LARP1: variants seen among roughly 807,000 people sequenced by gnomAD.
The protein encoded by LARP1 is La ribonucleoprotein 1, translational regulator.
In LARP1, 36 loss-of-function variants were observed where a neutral mutation model predicts 122.7. That is an observed-to-expected ratio of 0.29 (90% CI 0.22 to 0.39). The LOEUF (loss-of-function observed/expected upper bound fraction) is 0.39, where lower values mean the gene tolerates loss of function less well. LARP1 is among the 10% of genes least tolerant of loss of function. The pLI is 1.00. For synonymous variants in LARP1, 539 were observed against 528.7 expected, an observed-to-expected ratio of 1.02 and a Z score of -0.27; for missense variants, 1,040 against 1,403.6, an observed-to-expected ratio of 0.74 and a Z score of 4.14.
chr5:154,762,764 T>TCTAGTTTG (rs1754565452), intron 1 of LARP1, among the ~76,000 whole-genome samples: 2 of 152,190 alleles, frequency 1.3e-5, no homozygotes, highest in Admixed American at 1.3e-4. Context: ...GGTAACCACC[T>TCTAGTTTG]TACTCTCAAG....
intron 1 of LARP1, among the ~76,000 whole-genome samples, chr5:154,763,292 C>G (rs1472239505): frequency 1.3e-5 from 2 of 151,940 alleles, no homozygotes; most frequent in African/African-American, 4.8e-5. Flanking sequence ...GAACTCCTGA[C>G]CTCAGGTGAT....
At chr5:154,794,407 A>C in intron 7 of LARP1, 145 bp downstream of exon 7, 2 of 718,380 alleles carry the variant, frequency 2.8e-6, no homozygotes, top group South Asian at 4.2e-5. Flanking sequence ...TTGTTTATTA[A>C]AGAAGTGATA....
intron 1 of LARP1, among the ~76,000 whole-genome samples, chr5:154,715,539 G>T (rs1278651422): frequency 1.3e-5 from 2 of 151,992 alleles, no homozygotes; most frequent in African/African-American, 4.8e-5. Context: ...CACCGTGCCC[G>T]ACCAAGCCTG....
chr5:154,743,567 C>T (rs1378595951), intron 1 of LARP1, among the ~76,000 whole-genome samples: 2 of 151,364 alleles, frequency 1.3e-5, no homozygotes, highest in African/African-American at 2.4e-5. Context: ...CCTTGGCCTC[C>T]CAAAGTGCTG....
chr5:154,755,143 C>G (rs1293676477), upstream of LARP1, among the ~76,000 whole-genome samples: 1 of 151,694 alleles, frequency 6.6e-6, no homozygotes, highest in Non-Finnish European at 1.5e-5. Context: ...TACCCCCAGC[C>G]CGGGAGGTGC....
At position 154,803,575 on chromosome 5, in the gene LARP1, G is replaced by A. The variant is rs762423585; in HGVS notation, c.2269G>A (p.Ala757Thr). 22 of 1,614,122 alleles carry A rather than the reference G, an allele frequency of 1.4e-5. No individual in the cohort carries two copies. The highest frequency in any genetic ancestry group is 1.9e-5 in the Non-Finnish European group (22 of 1,180,016). The change falls in exon 13 of 19, where the codon GCT becomes ACT. Residue 757 changes from alanine (A) to threonine (T), a missense_variant. Ala to Thr is a moderately conservative substitution (Grantham distance 58). This residue lies in a region of LARP1 where 362 missense variants were observed against 533.1 expected (regional missense o/e 0.68). Transcript: ENST00000518297. This position sits in a 1 kb window ranked among gnomAD's most constrained non-coding sequence, Gnocchi z 4.4. The part of the protein sequence containing the change: ...TDALANKLFG[A>T]PEPSTIARSL... ...TGCCCTGGCCAACAAGTTGTTTGGT[G>A]CTCCTGAGCCCTCCACCATCGCCCG...
intron 1 of LARP1, among the ~76,000 whole-genome samples, chr5:154,735,801 C>T (rs1452293789): frequency 6.6e-6 from 1 of 151,336 alleles, no homozygotes; most frequent in Non-Finnish European, 1.5e-5. Flanking sequence ...AAACTCCTGA[C>T]CTCAGGTGAT....
At position 154,749,628 on chromosome 5, in the gene LARP1, C is replaced by T. The variant is rs1753384083; in HGVS notation, c.205+36498C>T. Reference sequence around the variant, plus strand: ...ATTACGTGACATGTGCCAGAAGGCCCAAGAGTCTTCAGGGTCTTGAAAAAC... The same window carrying T: ...ATTACGTGACATGTGCCAGAAGGCCTAAGAGTCTTCAGGGTCTTGAAAAAC... On this transcript the variant is annotated intron_variant, in intron 1 of 18. Transcript: ENST00000336314. 2.6e-5 allele frequency among the ~76,000 whole-genome samples: 4 copies of T among 152,096 alleles called. No individual in the cohort carries two copies. In the South Asian group the frequency reaches 8.3e-4, roughly 32 times the overall value.
At chr5:154,787,668 C>T (rs1306186935) in intron 1 of LARP1, among the ~76,000 whole-genome samples, 1 of 152,022 alleles carries the variant, frequency 6.6e-6, no homozygotes, top group Non-Finnish European at 1.5e-5. Flanking sequence ...GTTTTTTTCT[C>T]CTTGTCAGGG....
In LARP1 at chr5:154,803,653, C is replaced by T. The variant is rs569519893; in HGVS notation, c.2347C>T (p.Pro783Ser). 2 of 1,614,188 alleles carry T rather than the reference C, an allele frequency of 1.2e-6. No homozygotes were observed. The highest frequency in any genetic ancestry group is 8.5e-7 in the Non-Finnish European group (1 of 1,180,042). ...ACCAAACTACCGCAACACCAGGACC[C>T]CTCGCACTCCCCGGACACCACAGCT... is the stretch of plus-strand genomic sequence containing the variant. ...ESPNYRNTRTPRTPRTPQLKD... is the reference protein window; with the variant it reads ...ESPNYRNTRTSRTPRTPQLKD... Residue 783 changes from proline to serine, a missense_variant, in exon 13 of 19, where the codon CCT becomes TCT. Physicochemically the swap from Pro to Ser is moderately conservative, Grantham distance 74. This residue lies in a region of LARP1 where 362 missense variants were observed against 533.1 expected (regional missense o/e 0.68). Coordinates refer to ENST00000518297, the MANE Select transcript of LARP1 (RefSeq NM_033551.3). This position sits in a 1 kb window ranked among gnomAD's most constrained non-coding sequence, Gnocchi z 4.4.
chr5:154,797,233 T>G (rs1160594252), intron 8 of LARP1, among the ~76,000 whole-genome samples: 3 of 130,262 alleles, frequency 2.3e-5, no homozygotes, highest in African/African-American at 3.0e-5. Flanking sequence ...TTTTTTTTTT[T>G]TTTTTTTTTT....
chr5:154,745,920 C>A (rs575267209), intron 1 of LARP1, among the ~76,000 whole-genome samples: 1 of 152,070 alleles, frequency 6.6e-6, no homozygotes, highest in African/African-American at 2.4e-5. Flanking sequence ...CTTAGCCTTC[C>A]GAGTACCTGG....
chr5:154,791,336 C>T (rs1460729430), intron 3 of LARP1, among the ~76,000 whole-genome samples: 3 of 152,040 alleles, frequency 2.0e-5, no homozygotes, highest in African/African-American at 4.8e-5. Flanking sequence ...GCCTCAGCCT[C>T]CTGAGTAGCT....
chr5:154,746,081 A>T (rs1753182924), intron 1 of LARP1, among the ~76,000 whole-genome samples: 1 of 152,198 alleles, frequency 6.6e-6, no homozygotes, highest in Non-Finnish European at 1.5e-5. Flanking sequence ...TACAGGCGTG[A>T]GCCACCGCAC....
At chr5:154,739,567 T>C (rs999326221) in intron 1 of LARP1, among the ~76,000 whole-genome samples, 1 of 152,126 alleles carries the variant, frequency 6.6e-6, no homozygotes, top group Non-Finnish European at 1.5e-5. Context: ...ATGAAGACAT[T>C]AAATTTTTTT....
At chr5:154,754,860 G>T (rs560772279), upstream of LARP1, among the ~76,000 whole-genome samples, 197 of 152,258 alleles carry the variant, frequency 1.3e-3, 2 homozygotes, top group Non-Finnish European at 3.1e-4. Context: ...CCTCGGGGCG[G>T]ATGAGGGTCC....
chr5:154,711,429 C>T (rs1424616513), upstream of LARP1, among the ~76,000 whole-genome samples: 4 of 152,126 alleles, frequency 2.6e-5, no homozygotes, highest in South Asian at 2.1e-4. Flanking sequence ...CGTGAGCCAC[C>T]GCACCCGGTA....
chr5:154,774,556 T>A (rs1254350584), intron 1 of LARP1, among the ~76,000 whole-genome samples: 1 of 152,230 alleles, frequency 6.6e-6, no homozygotes, highest in Non-Finnish European at 1.5e-5. Context: ...AACCCTTGGA[T>A]ATAACGGGTT....
rs1758210956 is a variant in LARP1, at chr5:154,799,999, T to C, written c.1673T>C (p.Ile558Thr). The change falls in exon 10 of 19, where the codon ATT (isoleucine) becomes ACT (threonine). Residue 558 changes from isoleucine to threonine, a missense_variant. Physicochemically the swap from Ile to Thr is moderately conservative, Grantham distance 89 (BLOSUM62 -1). This residue lies in a region of LARP1 where 362 missense variants were observed against 533.1 expected (regional missense o/e 0.68). Coordinates refer to ENST00000518297, the MANE Select transcript of LARP1 (RefSeq NM_033551.3). ...SLPDLDSENW[I>T]EVKKRPRPSP... ...CCTGACCTGGATTCTGAGAACTGGA[T>C]TGAAGTGAAGAAGAGGCCTCGGCCA... The C allele has an allele frequency of 1.9e-6, 3 of 1,614,108 alleles. No homozygotes were observed. Among genetic ancestry groups the C allele is most frequent in the Non-Finnish European group, 2.5e-6 (3 of 1,180,026 alleles).
Sources: allele counts gnomAD v4.1 joint callset (sites outside exome capture counted in the v4.1 genomes callset), GRCh38; gene constraint gnomAD v4.1.1; regional missense constraint gnomAD v4.1.1; non-coding constraint Gnocchi (gnomAD v3.1); transcripts MANE v1.5; gene names NCBI Gene and HGNC (gene_info 2026-07-23, HGNC 2026-07-21).